The following ATP11A variants were observed in gnomAD, a reference collection of about 807,000 sequenced individuals.
ATP11A encodes phospholipid-transporting ATPase IH.
A neutral mutation model predicts 154.4 loss-of-function variants in ATP11A; 81 were observed. That is an observed-to-expected ratio of 0.52 (90% CI 0.44 to 0.63). The LOEUF (loss-of-function observed/expected upper bound fraction) is 0.63. Among genes scored for constraint, ATP11A ranks in the 30% least tolerant of loss-of-function variants. ATP11A has a pLI of 0.00. For synonymous variants in ATP11A, 623 were observed against 585.9 expected (o/e 1.06, Z -0.91); for missense variants, 1,316 against 1,474.3 (o/e 0.89, Z 1.76).
At chr13:112,810,476 C>T (rs2078458860) in intron 4 of ATP11A, 143 bp from the exon 5 acceptor site, 7 of 662,868 alleles carry the variant, frequency 1.1e-5, no homozygotes, top group Non-Finnish European at 1.9e-5. Flanking sequence ...GTGTGTAGTG[C>T]ATCCTCATGC....
rs982906612 is a variant in ATP11A at position 112,807,526 on chromosome 13, C to T, written c.333+1233C>T. Among the ~76,000 whole-genome samples, 3 of 152,152 alleles carry T rather than the reference C, an allele frequency of 2.0e-5. No individual in the cohort carries two copies. The highest frequency in any genetic ancestry group is 2.1e-4 in the South Asian group (1 of 4,830). On this transcript the variant is annotated intron_variant, in intron 4 of 29. Coordinates refer to ENST00000375645, the MANE Select transcript of ATP11A (RefSeq NM_015205.3). The surrounding 1 kb of genome is among the most constrained non-coding windows in gnomAD (Gnocchi z 4.5). The stretch of plus-strand genomic sequence containing the variant: ...GGGAGACTCACGCTTCCCAAGGACG[C>T]GCTGCCTGTGACTCAGGCAGTTTAA...
At chr13:112,792,655 G>C (rs569646156) in intron 2 of ATP11A, among the ~76,000 whole-genome samples, 4 of 151,302 alleles carry the variant, frequency 2.6e-5, no homozygotes, top group Admixed American at 6.5e-5. Flanking sequence ...TTTCCTTCTT[G>C]GGGGAGAGAC....
intron 5 of ATP11A, among the ~76,000 whole-genome samples, chr13:112,814,681 G>T (rs2078593532): frequency 1.3e-5 from 2 of 152,136 alleles, no homozygotes; most frequent in Non-Finnish European, 2.9e-5. Context: ...GCATGGGTCT[G>T]TTTCTGGTTC....
chr13:112,840,829 C>T (rs2079392683), intron 16 of ATP11A, among the ~76,000 whole-genome samples: 1 of 152,066 alleles, frequency 6.6e-6, no homozygotes, highest in Non-Finnish European at 1.5e-5. Context: ...GGCCTTGGAT[C>T]CGGGTCGTCA....
intron 1 of ATP11A, among the ~76,000 whole-genome samples, chr13:112,775,612 A>T (rs2077329415): frequency 6.6e-6 from 1 of 152,264 alleles, no homozygotes; most frequent in Non-Finnish European, 1.5e-5. Flanking sequence ...GTAAGAAAAA[A>T]ATTGGTTGGT....
In ATP11A at chr13:112,803,835, C is replaced by CCTCCTTCCTCTCCTTCCCCTCCTT. The variant is rs1555328821; in HGVS notation, c.163-1121_163-1098dup. Among the ~76,000 whole-genome samples, 250 of 90,690 alleles carry CCTCCTTCCTCTCCTTCCCCTCCTT rather than the reference C, an allele frequency of 2.8e-3. 14 individuals carry two copies. Among genetic ancestry groups the CCTCCTTCCTCTCCTTCCCCTCCTT allele is most frequent in the African/African-American group, 9.7e-3 (227 of 23,400 alleles). The allele number at this position is 90,690 out of a possible 152,430, so 59.5% of individuals were successfully genotyped here. A position where few individuals can be genotyped will look rare whatever the true frequency, so the allele number is the denominator to read the frequency against. On this transcript the variant is annotated intron_variant, in intron 2 of 29. Transcript: ENST00000375645. ...CCCTCCTTCCTCTCCTTCCCCTCCT[C>CCTCCTTCCTCTCCTTCCCCTCCTT]CTCCTTCCTCTCCTTCCCCTCCTTT... is the stretch of plus-strand genomic sequence containing the variant.
Position 112,878,314 on chromosome 13 carries a change from T to G in ATP11A, c.*9+11T>G. ...TTCTGATGGAACAAGGTGATGCTCC[T>G]CTGCCTTCCACGCACCTGGGATGGT... On this transcript the variant is annotated intron_variant, in intron 29 of 29. Coordinates refer to ENST00000375645, the MANE Select transcript of ATP11A (RefSeq NM_015205.3). 2 of 1,613,542 alleles carry G rather than the reference T, an allele frequency of 1.2e-6. No homozygotes were observed. Among genetic ancestry groups the G allele is most frequent in the Non-Finnish European group, 8.5e-7 (1 of 1,179,808 alleles).
rs571219789 is a variant in ATP11A, at chr13:112,705,977, C to T, written c.39+15522C>T. On this transcript the variant is annotated intron_variant, in intron 1 of 29. Coordinates refer to ENST00000375645, the MANE Select transcript of ATP11A (RefSeq NM_015205.3). ...ACACTCAGTGCTGTACGATCATCAC[C>T]GCCAGGTACTTCCAGATCTTTTTCA... 1.6e-4 allele frequency among the ~76,000 whole-genome samples: 24 copies of T among 152,244 alleles called. No homozygotes were observed. In the South Asian group the frequency reaches 4.6e-3, roughly 29 times the overall value.
At chr13:112,841,234 A>G (rs1460394279) in intron 16 of ATP11A, among the ~76,000 whole-genome samples, 2 of 143,440 alleles carry the variant, frequency 1.4e-5, no homozygotes, top group Non-Finnish European at 3.0e-5. Flanking sequence ...CGGACCACGG[A>G]TGCTTCAGGT....
At position 112,832,963 on chromosome 13, in the gene ATP11A, A is replaced by G. The variant is rs200369525; in HGVS notation, c.1499A>G (p.Lys500Arg). 24 of 1,613,728 alleles carry G rather than the reference A, an allele frequency of 1.5e-5. No individual in the cohort carries two copies. Among genetic ancestry groups the G allele is most frequent in the Non-Finnish European group, 1.9e-5 (23 of 1,179,896 alleles). ...CCCAGGAAATCGCCGGACGGGGGGA[A>G]ATCCTGTGTGTACATCTCATCCTCG... ...DGPRKSPDGGKSCVYISSSPD... is the reference protein window; with the variant it reads ...DGPRKSPDGGRSCVYISSSPD... The change falls in exon 14 of 30, where the codon AAA becomes AGA. Residue 500 changes from lysine (K) to arginine (R), a missense_variant. Lys to Arg is a conservative substitution (Grantham distance 26). Around this residue, in one of 5 missense-constraint regions of ATP11A, gnomAD observed 876 missense variants for 1,006.8 expected, o/e 0.87. Transcript: ENST00000375645.
intron 1 of ATP11A, among the ~76,000 whole-genome samples, chr13:112,761,616 A>G (rs436779): frequency 0.03 from 2,420 of 81,222 alleles, 70 homozygotes; most frequent in African/African-American, 0.073. Context: ...TTTGGGTACT[A>G]TCTCGGATTC....
At chr13:112,856,567 C>T (rs1038966615) in intron 20 of ATP11A, 8 of 152,802 alleles carry the variant, frequency 5.2e-5, no homozygotes, top group African/African-American at 1.4e-4. Context: ...GAGGATTCAA[C>T]TTGTCTTGTC....
chr13:112,880,787 G>T, intron 29 of ATP11A: 4 of 1,151,638 alleles, frequency 3.5e-6, no homozygotes, highest in Non-Finnish European at 4.4e-6. Flanking sequence ...ACACACACAT[G>T]CATTTGCTGT....
rs1366558600 is a variant in ATP11A at position 112,875,610 on chromosome 13, G to A, written c.3162-166G>A. ...TACCCCAGCATTACCGGGAGGTTCA[G>A]TGTTCATTTTTTATATGATAAATTC... is the stretch of plus-strand genomic sequence containing the variant. On this transcript the variant is annotated intron_variant, in intron 27 of 29. Coordinates refer to ENST00000375645, the MANE Select transcript of ATP11A (RefSeq NM_015205.3). The surrounding 1 kb of genome is among the most constrained non-coding windows in gnomAD (Gnocchi z 4.1). Among the ~76,000 whole-genome samples, 1 of 151,820 alleles carries A rather than the reference G, an allele frequency of 6.6e-6. No individual in the cohort carries two copies. Among genetic ancestry groups the A allele is most frequent in the Non-Finnish European group, 1.5e-5 (1 of 67,994 alleles).
chr13:112,726,186 A>C (rs1488560036), intron 1 of ATP11A, among the ~76,000 whole-genome samples: 1 of 147,160 alleles, frequency 6.8e-6, no homozygotes, highest in Non-Finnish European at 1.5e-5. Context: ...CACAGTGTGC[A>C]TGCAAAGAGA....
chr13:112,755,200 T>C (rs1181622991), intron 1 of ATP11A, among the ~76,000 whole-genome samples: 2 of 152,210 alleles, frequency 1.3e-5, no homozygotes, highest in Non-Finnish European at 2.9e-5. Flanking sequence ...TCTCAGTTCA[T>C]GGACCACACA....
Position 112,882,503 on chromosome 13 carries a change from G to T in ATP11A, c.*637G>T. ...CAATCCGGATGCTGTGGGAAGGGCC[G>T]GGTCACTCGGATACCATCATCCCTG... On this transcript the variant is annotated 3_prime_UTR_variant, in exon 30 of 30. Coordinates refer to ENST00000375645, the MANE Select transcript of ATP11A (RefSeq NM_015205.3). This position sits in a 1 kb window ranked among gnomAD's most constrained non-coding sequence, Gnocchi z 5.1. 1 of 466,134 alleles carries T rather than the reference G, an allele frequency of 2.1e-6. No individual in the cohort carries two copies. Among genetic ancestry groups the T allele is most frequent in the South Asian group, 5.6e-5 (1 of 17,982 alleles). 28.9% of individuals were successfully genotyped at this position (466,134 alleles called of 1,614,324 possible).
At chr13:112,759,920 G>A (rs2076926529) in intron 1 of ATP11A, among the ~76,000 whole-genome samples, 1 of 152,124 alleles carries the variant, frequency 6.6e-6, no homozygotes, top group African/African-American at 2.4e-5. Context: ...CACTTAAAAA[G>A]TGCATGCAAC....
At chr13:112,858,390 A>G (rs1325032960) in intron 22 of ATP11A, 100 bp downstream of exon 22, 2 of 1,244,474 alleles carry the variant, frequency 1.6e-6, no homozygotes, top group Non-Finnish European at 2.2e-6. Context: ...GAGGTCATTG[A>G]TCTCCGAGGA....
Sources: allele counts gnomAD v4.1 joint callset (sites outside exome capture counted in the v4.1 genomes callset), GRCh38; gene constraint gnomAD v4.1.1; regional missense constraint gnomAD v4.1.1; non-coding constraint Gnocchi (gnomAD v3.1); transcripts MANE v1.5; gene names NCBI Gene and HGNC (gene_info 2026-07-23, HGNC 2026-07-21).